The following TMEM132D variants were observed in gnomAD, a reference collection of about 807,000 sequenced individuals.
TMEM132D encodes mature OL transmembrane protein.
A neutral mutation model predicts 62.3 loss-of-function variants in TMEM132D; 21 were observed. The ratio of observed to expected loss-of-function variants is 0.34; its 90% CI spans 0.24 to 0.49. The LOEUF (loss-of-function observed/expected upper bound fraction) is 0.49, where lower values mean the gene tolerates loss of function less well. Among genes scored for constraint, TMEM132D ranks in the 20% least tolerant of loss-of-function variants. The probability of loss-of-function intolerance (pLI) is 0.99; values close to 1 mark genes in which losing one functional copy is unlikely to be tolerated. For synonymous variants in TMEM132D, 621 were observed against 575.6 expected (o/e 1.08, Z -1.13); for missense variants, 1,346 against 1,402.8 (o/e 0.96, Z 0.65).
intron 4 of TMEM132D, among the ~76,000 whole-genome samples, chr12:129,246,916 C>G (rs1341567718): frequency 6.6e-6 from 1 of 152,164 alleles, no homozygotes; most frequent in Non-Finnish European, 1.5e-5. Flanking sequence ...AGTTCATTTA[C>G]TGGAAATGAA....
chr12:129,707,008 T>A (rs1881521402), intron 1 of TMEM132D, among the ~76,000 whole-genome samples: 1 of 150,896 alleles, frequency 6.6e-6, no homozygotes. Context: ...ATAAAATTGA[T>A]CAACTAAACA....
intron 5 of TMEM132D, among the ~76,000 whole-genome samples, chr12:129,102,351 C>T (rs1038034594): frequency 1.3e-5 from 2 of 151,234 alleles, no homozygotes; most frequent in Admixed American, 1.3e-4. Flanking sequence ...CATGCATTCA[C>T]ATATGTACGC....
intron 3 of TMEM132D, among the ~76,000 whole-genome samples, chr12:129,439,428 C>T (rs1872878108): frequency 6.6e-6 from 1 of 152,136 alleles, no homozygotes; most frequent in African/African-American, 2.4e-5. Flanking sequence ...AACTGTTCTC[C>T]AAGCACTGGA....
At chr12:129,704,671 C>T (rs1481522947) in intron 1 of TMEM132D, among the ~76,000 whole-genome samples, 2 of 151,966 alleles carry the variant, frequency 1.3e-5, no homozygotes, top group African/African-American at 4.8e-5. Context: ...TCACCGTCCC[C>T]CCAGGGATGC....
At chr12:129,472,842 T>A (rs548743029) in intron 3 of TMEM132D, among the ~76,000 whole-genome samples, 157 of 152,286 alleles carry the variant, frequency 1.0e-3, no homozygotes, top group Non-Finnish European at 1.9e-3. Flanking sequence ...AGTCAATCAA[T>A]GTAGGACACT....
chr12:129,896,547 A>G (rs708364), intron 1 of TMEM132D, among the ~76,000 whole-genome samples: 73,358 of 152,128 alleles, frequency 0.48, 18,656 homozygotes, highest in East Asian at 0.67. Flanking sequence ...CAAACAAATA[A>G]CAACAATGAA....
intron 5 of TMEM132D, among the ~76,000 whole-genome samples, chr12:129,166,228 C>A (rs1437085354): frequency 6.6e-6 from 1 of 152,170 alleles, no homozygotes; most frequent in Non-Finnish European, 1.5e-5. Flanking sequence ...CCCGATGGGA[C>A]CTGCTAACTC....
chr12:129,570,008 G>A lies in TMEM132D; in HGVS notation c.969-38803C>T, dbSNP rs551824567. Reference sequence around the variant, plus strand: ...GCCAGCTGTTTCTTCAATTCTACGGGAAGAGACTCAAAGAAGCCGAGTGAT... The same window carrying A: ...GCCAGCTGTTTCTTCAATTCTACGGAAAGAGACTCAAAGAAGCCGAGTGAT... On this transcript the variant is annotated intron_variant, in intron 2 of 8. Coordinates refer to ENST00000422113, the MANE Select transcript of TMEM132D (RefSeq NM_133448.3). Among the ~76,000 whole-genome samples the A allele has an allele frequency of 2.0e-3, 300 of 152,256 alleles. 3 individuals are homozygous for A. The highest frequency in any genetic ancestry group is 0.016 in the South Asian group (76 of 4,826).
chr12:129,183,380 C>T (rs531879906), intron 5 of TMEM132D, among the ~76,000 whole-genome samples: 1 of 152,328 alleles, frequency 6.6e-6, no homozygotes, highest in Admixed American at 6.5e-5. Context: ...TGCCTATGGT[C>T]AAAGCTCTCT....
At chr12:129,416,940 T>C (rs527964577) in intron 3 of TMEM132D, among the ~76,000 whole-genome samples, 202 of 152,348 alleles carry the variant, frequency 1.3e-3, no homozygotes, top group African/African-American at 4.7e-3. Context: ...CTGGATTCAG[T>C]TTGCCAGTAT....
chr12:129,629,671 A>T (rs1433747836), intron 2 of TMEM132D, among the ~76,000 whole-genome samples: 1 of 147,810 alleles, frequency 6.8e-6, no homozygotes, highest in Admixed American at 6.7e-5. Context: ...CCTAATAATA[A>T]AAAAAAAAAA....
At chr12:129,835,472 G>C (rs1872976633) in intron 1 of TMEM132D, among the ~76,000 whole-genome samples, 1 of 151,954 alleles carries the variant, frequency 6.6e-6, no homozygotes, top group Non-Finnish European at 1.5e-5. Context: ...TTTATTTTTA[G>C]TAGAGACAAG....
intron 4 of TMEM132D, among the ~76,000 whole-genome samples, chr12:129,290,196 T>C (rs1012693299): frequency 6.6e-6 from 1 of 152,142 alleles, no homozygotes; most frequent in Non-Finnish European, 1.5e-5. Context: ...GTCAATGTTT[T>C]TCCTCACCTC....
intron 2 of TMEM132D, among the ~76,000 whole-genome samples, chr12:129,655,246 C>CTTTTT (rs5801873): frequency 2.9e-5 from 4 of 139,394 alleles, no homozygotes; most frequent in African/African-American, 2.7e-5. Flanking sequence ...TGTGTCTAGC[C>CTTTTT]TTTTTTTTTT....
chr12:129,565,985 C>T (rs1877356496), intron 2 of TMEM132D, among the ~76,000 whole-genome samples: 1 of 152,200 alleles, frequency 6.6e-6, no homozygotes, highest in African/African-American at 2.4e-5. Flanking sequence ...CGTCTTTTTA[C>T]TGGTCTGTGA....
At chr12:129,678,005 A>G (rs1565945910) in intron 2 of TMEM132D, among the ~76,000 whole-genome samples, 1 of 152,168 alleles carries the variant, frequency 6.6e-6, no homozygotes. Context: ...GCTGTAACTG[A>G]ATTATTTTCA....
intron 4 of TMEM132D, among the ~76,000 whole-genome samples, chr12:129,250,044 C>T (rs904424575): frequency 6.6e-6 from 1 of 152,230 alleles, no homozygotes; most frequent in African/African-American, 2.4e-5. Context: ...AGCAAGCCAC[C>T]CAGACGAGAC....
At chr12:129,143,637 GC>G (rs750280858) in intron 5 of TMEM132D, among the ~76,000 whole-genome samples, 5 of 152,160 alleles carry the variant, frequency 3.3e-5, no homozygotes, top group Admixed American at 2.0e-4. Flanking sequence ...GGAGTGATGA[GC>G]CTGAACTTGT....
intron 3 of TMEM132D, among the ~76,000 whole-genome samples, chr12:129,526,009 T>C (rs2137085232): frequency 6.6e-6 from 1 of 152,318 alleles, no homozygotes; most frequent in Admixed American, 6.5e-5. Flanking sequence ...AAGAGCTGAT[T>C]GTTTCATTTA....
Sources: allele counts gnomAD v4.1 joint callset (sites outside exome capture counted in the v4.1 genomes callset), GRCh38; gene constraint gnomAD v4.1.1; transcripts MANE v1.5; gene names NCBI Gene and HGNC (gene_info 2026-07-23, HGNC 2026-07-21).